HUS1: variants seen among roughly 807,000 people sequenced by gnomAD.
HUS1 encodes checkpoint protein HUS1.
HUS1 carries 31 observed loss-of-function variants against 32.6 expected under a neutral mutation model. That is an observed-to-expected ratio of 0.95 (90% CI 0.72 to 1.28). The LOEUF (loss-of-function observed/expected upper bound fraction) is 1.28. Ranked by LOEUF, HUS1 falls within the 50% of genes most tolerant of loss-of-function variation. The probability of loss-of-function intolerance (pLI) is 0.00; values close to 1 mark genes in which losing one functional copy is unlikely to be tolerated. For synonymous variants in HUS1, 123 were observed against 116.6 expected, an observed-to-expected ratio of 1.06 and a Z score of -0.36; for missense variants, 340 against 337.7, an observed-to-expected ratio of 1.01 and a Z score of -0.05.
chr7:47,966,426 A>T (rs941067506), intron 7 of HUS1, among the ~76,000 whole-genome samples: 1 of 152,136 alleles, frequency 6.6e-6, no homozygotes, highest in South Asian at 2.1e-4. Context: ...TTTGATAAGA[A>T]CTCTTCCATG....
At chr7:47,973,922 C>CA (rs1377474125) in intron 5 of HUS1, among the ~76,000 whole-genome samples, 2 of 152,326 alleles carry the variant, frequency 1.3e-5, no homozygotes, top group East Asian at 3.9e-4. Flanking sequence ...TGGAAGTCCC[C>CA]AGGGTATCCC....
chr7:47,968,699 A>G (rs1463002603), intron 6 of HUS1: 1 of 153,144 alleles, frequency 6.5e-6, no homozygotes, highest in Admixed American at 6.5e-5. Context: ...ATAACTCACC[A>G]AACTGTCCAA....
chr7:47,971,204 A>G (rs974912014), intron 5 of HUS1: 1 of 210,066 alleles, frequency 4.8e-6, no homozygotes, highest in Non-Finnish European at 9.8e-6. Context: ...TAATATGACT[A>G]TAAGGCCTTC....
chr7:47,978,933 C>T, intron 1 of HUS1, 117 bp from the exon 2 acceptor site: 1 of 1,052,860 alleles, frequency 9.5e-7, no homozygotes, highest in Non-Finnish European at 1.4e-6. Flanking sequence ...AACCACTTAA[C>T]GTTGGTATCA....
rs1788483669 is a variant in HUS1, at chr7:47,966,572, C to T, written c.761-1134G>A. On this transcript the variant is annotated intron_variant, in intron 7 of 7. Transcript: ENST00000258774. ...AGGGGTATTTCACTCTCTCACCATTCACACTGTGCTTGTCAGGACCAAGGG... is the reference window on the plus strand; with the variant it reads ...AGGGGTATTTCACTCTCTCACCATTTACACTGTGCTTGTCAGGACCAAGGG... Among the ~76,000 whole-genome samples, 3 of 152,288 alleles carry T rather than the reference C, an allele frequency of 2.0e-5. 1 individual carries two copies. In the South Asian group the frequency reaches 6.2e-4, roughly 32 times the overall value.
chr7:47,977,771 G>A (rs1005119441), intron 3 of HUS1, among the ~76,000 whole-genome samples: 5 of 152,188 alleles, frequency 3.3e-5, no homozygotes, highest in Admixed American at 2.6e-4. Context: ...GTGGGTGCCT[G>A]TAATTCCAGC....
chr7:47,967,002 A>G (rs1788492998), intron 7 of HUS1, among the ~76,000 whole-genome samples: 1 of 152,056 alleles, frequency 6.6e-6, no homozygotes. Flanking sequence ...CTCTCATTCA[A>G]AAGGGCTGGT....
intron 6 of HUS1, among the ~76,000 whole-genome samples, chr7:47,968,503 T>A (rs1467757229): frequency 6.6e-6 from 1 of 152,240 alleles, no homozygotes. Context: ...TCAAGCAGAC[T>A]CGTAGTAACT....
At chr7:47,970,661 G>T (rs1054805414) in intron 5 of HUS1, among the ~76,000 whole-genome samples, 3 of 152,174 alleles carry the variant, frequency 2.0e-5, no homozygotes, top group African/African-American at 7.2e-5. Flanking sequence ...CCCACATATT[G>T]AAAGGACACA....
Position 47,969,279 on chromosome 7 carries a change from T to C in HUS1, c.580A>G (p.Ile194Val), listed in dbSNP as rs1788545536. The C allele has an allele frequency of 6.3e-7, 1 of 1,593,512 alleles. No individual in the cohort carries two copies. Among genetic ancestry groups the C allele is most frequent in the Non-Finnish European group, 8.6e-7 (1 of 1,164,112 alleles). ...GTAACACATACTAATTCAGTTTCTA[T>C]TTTCAAATTCAATTCTCCATCTAGG... ...ANLDGELNLKIETELVCVTTH... is the reference protein window; with the variant it reads ...ANLDGELNLKVETELVCVTTH... Residue 194 changes from isoleucine to valine, a missense_variant, in exon 6 of 8, where the codon ATA becomes GTA. By Grantham distance (29) the Ile-to-Val change is conservative (BLOSUM62 3). Transcript: ENST00000258774.
chr7:47,975,099 G>A (rs1032647212), intron 5 of HUS1, among the ~76,000 whole-genome samples: 1 of 152,160 alleles, frequency 6.6e-6, no homozygotes, highest in African/African-American at 2.4e-5. Context: ...GGACCACGAG[G>A]TCAGGAGATC....
chr7:47,975,301 G>C (rs550530308), intron 5 of HUS1, among the ~76,000 whole-genome samples: 160 of 140,648 alleles, frequency 1.1e-3, no homozygotes, highest in African/African-American at 3.8e-3. Context: ...CTGGGCGACA[G>C]AGTGAGACTC....
rs553040487 is a variant in HUS1 at position 47,964,007 on chromosome 7, A to G, written c.*1349T>C. On this transcript the variant is annotated 3_prime_UTR_variant, in exon 8 of 8. Coordinates refer to ENST00000258774, the MANE Select transcript of HUS1 (RefSeq NM_004507.4). ...AAAAAACATGAAAAAGCCAAAATAT[A>G]AATTTTCATGTTAGCTAGTCTTCCA... 3 of 152,364 alleles carry G rather than the reference A, an allele frequency of 2.0e-5. No individual in the cohort carries two copies. In the East Asian group the frequency reaches 5.8e-4, roughly 29 times the overall value. The allele number at this position is 152,364 out of a possible 1,614,324, so 9.4% of individuals were successfully genotyped here. A position where few individuals can be genotyped will look rare whatever the true frequency, so the allele number is the denominator to read the frequency against.
chr7:47,978,347 G>T, intron 3 of HUS1, 70 bp downstream of exon 3: 1 of 1,324,386 alleles, frequency 7.6e-7, no homozygotes, highest in Non-Finnish European at 1.1e-6. Context: ...TGTTAAAAAG[G>T]CTAGGCTAAC....
chr7:47,964,362 GA>G lies in HUS1; in HGVS notation c.*993del, dbSNP rs1788432757. The G allele has an allele frequency of 6.6e-6, 1 of 152,264 alleles. No homozygotes were observed. Among genetic ancestry groups the G allele is most frequent in the African/African-American group, 2.4e-5 (1 of 41,458 alleles). 9.4% of individuals were successfully genotyped at this position (152,264 alleles called of 1,614,324 possible). A position where few individuals can be genotyped will look rare whatever the true frequency, so the allele number is the denominator to read the frequency against. Reference sequence around the variant, plus strand: ...TGCACTCCAGTCTGGGTGACAGAATGAGACCGTCTCAAACAAAACAAAACAA... The same window carrying G: ...TGCACTCCAGTCTGGGTGACAGAATGGACCGTCTCAAACAAAACAAAACAA... On this transcript the variant is annotated 3_prime_UTR_variant, in exon 8 of 8. Coordinates refer to ENST00000258774, the MANE Select transcript of HUS1 (RefSeq NM_004507.4).
rs185831621 is a variant in HUS1, at chr7:47,967,996, A to G, written c.641-71T>C. Reference sequence around the variant, plus strand: ...CAGGAAACCTGGAGATACTCAATGCATTTTACTTAAATAAATGATTCACTT... The same window carrying G: ...CAGGAAACCTGGAGATACTCAATGCGTTTTACTTAAATAAATGATTCACTT... On this transcript the variant is annotated intron_variant, in intron 6 of 7. Transcript: ENST00000258774. 8 of 1,488,552 alleles carry G rather than the reference A, an allele frequency of 5.4e-6. No homozygotes were observed. In the Admixed American group the frequency reaches 6.1e-5, roughly 11 times the overall value. 92.2% of individuals were successfully genotyped at this position (1,488,552 alleles called of 1,614,324 possible).
At chr7:47,976,287 A>C (rs1408955028) in intron 4 of HUS1, 1 of 448,082 alleles carries the variant, frequency 2.2e-6, no homozygotes, top group Non-Finnish European at 4.5e-6. Flanking sequence ...CATCATCTTT[A>C]CTTTCAGGAG....
In HUS1 at chr7:47,969,387, G is replaced by A; in HGVS notation, c.541-69C>T. ...AAGGAAAAAAACTCCATGGGCAACA[G>A]CTTTCACACAACCAGATGACAAAGT... On this transcript the variant is annotated intron_variant, in intron 5 of 7. Transcript: ENST00000258774. 3 of 791,508 alleles carry A rather than the reference G, an allele frequency of 3.8e-6. No individual in the cohort carries two copies. In the South Asian group the frequency reaches 4.5e-5, roughly 12 times the overall value. 49.0% of individuals were successfully genotyped at this position (791,508 alleles called of 1,614,324 possible).
intron 7 of HUS1, among the ~76,000 whole-genome samples, chr7:47,967,052 C>A (rs2686838): frequency 6.6e-6 from 1 of 151,996 alleles, no homozygotes; most frequent in South Asian, 2.1e-4. Flanking sequence ...TCCTTCTCTA[C>A]AGCACACTGC....
Sources: gnomAD v4.1 joint callset for allele counts (sites outside exome capture counted in the v4.1 genomes callset) on GRCh38, gnomAD v4.1.1 for gene constraint, MANE v1.5 for transcripts, NCBI Gene and HGNC (gene_info 2026-07-23, HGNC 2026-07-21) for gene names.